AP3D1: variants seen among roughly 807,000 people sequenced by gnomAD.
AP3D1 encodes the protein adaptor related protein complex 3 subunit delta 1.
In AP3D1, 51 loss-of-function variants were observed where a neutral mutation model predicts 147.6. The ratio of observed to expected loss-of-function variants is 0.35; its 90% CI spans 0.28 to 0.44. The LOEUF is 0.44. Ranked by LOEUF, AP3D1 falls within the 20% of genes least tolerant of loss-of-function variation. AP3D1 has a pLI of 1.00. For synonymous variants in AP3D1, 760 were observed against 663.0 expected (o/e 1.15, Z -2.25); for missense variants, 1,421 against 1,624.2 (o/e 0.87, Z 2.15).
chr19:2,135,599 C>T (rs1001138458), intron 4 of AP3D1, among the ~76,000 whole-genome samples: 1 of 152,104 alleles, frequency 6.6e-6, no homozygotes, highest in Non-Finnish European at 1.5e-5. Context: ...AGCACGTGAT[C>T]CTACACAGAG....
At chr19:2,154,111 C>A (rs141572126), upstream of AP3D1, among the ~76,000 whole-genome samples, 59 of 152,072 alleles carry the variant, frequency 3.9e-4, no homozygotes, top group African/African-American at 1.3e-3. Context: ...CCACCTCCAG[C>A]TAATTTTTGT....
At chr19:2,139,513 G>C (rs2019165081) in intron 1 of AP3D1, among the ~76,000 whole-genome samples, 1 of 152,208 alleles carries the variant, frequency 6.6e-6, no homozygotes, top group South Asian at 2.1e-4. Flanking sequence ...TGGCAGACAA[G>C]GTTCCCAAGG....
chr19:2,163,868 G>A (rs1330451853), intron 1 of AP3D1, among the ~76,000 whole-genome samples: 2 of 149,870 alleles, frequency 1.3e-5, no homozygotes, highest in African/African-American at 2.4e-5. Context: ...GCGGGCACGC[G>A]CCGGCGTCTT....
Position 2,130,478 on chromosome 19 carries a change from G to C in AP3D1, c.522C>G (p.Phe174Leu). Residue 174 changes from phenylalanine to leucine, a missense_variant, in exon 6 of 32, where the codon TTC becomes TTG. Physicochemically the swap from Phe to Leu is conservative, Grantham distance 22. Around this residue, in one of 6 missense-constraint regions of AP3D1, gnomAD observed 292 missense variants for 412.0 expected, o/e 0.71. Transcript: ENST00000643116. ...KKAVLIMYKV[F>L]LKYPESLRPA... ...GGCGCAGCGACTCGGGGTACTTCAG[G>C]AACACCTTGTACATGATCAGCACAG... 1 of 1,614,080 alleles carries C rather than the reference G, an allele frequency of 6.2e-7. No homozygotes were observed. The highest frequency in any genetic ancestry group is 2.2e-5 in the East Asian group (1 of 44,890).
chr19:2,133,649 G>A (rs1351654586), intron 4 of AP3D1, among the ~76,000 whole-genome samples: 2 of 152,106 alleles, frequency 1.3e-5, no homozygotes, highest in African/African-American at 2.4e-5. Flanking sequence ...GATTACAGGT[G>A]CGTGTCACCA....
Position 2,117,318 on chromosome 19 carries a change from T to A in AP3D1, c.1763A>T (p.Lys588Met). The A allele has an allele frequency of 1.9e-6, 3 of 1,612,504 alleles. No individual in the cohort carries two copies. The highest frequency in any genetic ancestry group is 2.5e-6 in the Non-Finnish European group (3 of 1,179,678). ...LVKHIQKLQA[K>M]DVPVAEEVSA... ...GACCTCCTCTGCCACAGGCACGTCC[T>A]TGGCCTGAAGCTTCTGGATGTGCTT... The change falls in exon 16 of 32, where the codon AAG (lysine) becomes ATG (methionine). Residue 588 changes from lysine (K) to methionine (M), a missense_variant. By Grantham distance (95) the Lys-to-Met change is moderately conservative. This residue lies in a region of AP3D1 where 310 missense variants were observed against 388.1 expected (regional missense o/e 0.80). Transcript: ENST00000643116.
chr19:2,120,840 C>G, intron 14 of AP3D1, 22 bp downstream of exon 14: 1 of 1,596,346 alleles, frequency 6.3e-7, no homozygotes, highest in Non-Finnish European at 8.5e-7. Flanking sequence ...GCTGCCAGCC[C>G]AGAGGCCCAG....
chr19:2,157,704 CCCACCCATCAACCAACCCACCCAT>C lies in AP3D1; in HGVS notation c.-103+6628_-103+6651del, dbSNP rs1168472648. Among the ~76,000 whole-genome samples the C allele has an allele frequency of 1.9e-4, 29 of 149,634 alleles. No individual in the cohort carries two copies. In the East Asian group the frequency reaches 5.5e-3, roughly 29 times the overall value. On this transcript the variant is annotated intron_variant, in intron 1 of 14. Coordinates refer to the AP3D1 transcript ENST00000643010. ...CCATCCATCCCCATCCACCCATCCA[CCCACCCATCAACCAACCCACCCAT>C]CCACCCATCCATCCATTCAACAACA...
chr19:2,136,431 C>T (rs535734532), intron 4 of AP3D1, among the ~76,000 whole-genome samples: 4 of 152,292 alleles, frequency 2.6e-5, no homozygotes, highest in Admixed American at 2.0e-4. Flanking sequence ...GCCAGCTGCC[C>T]ATGAAAAGGG....
intron 21 of AP3D1, 42 bp downstream of exon 21, chr19:2,114,706 A>G: frequency 7.1e-7 from 1 of 1,409,218 alleles, no homozygotes; most frequent in Non-Finnish European, 9.6e-7. Flanking sequence ...GGAAGCAACC[A>G]CATGTGGCCT....
At chr19:2,123,947 A>G in intron 9 of AP3D1, 68 bp from the exon 10 acceptor site, 3 of 1,514,034 alleles carry the variant, frequency 2.0e-6, no homozygotes, top group Non-Finnish European at 2.7e-6. Flanking sequence ...ACTCAGGGCC[A>G]CGGGGCACCA....
chr19:2,141,810 G>A (rs1418784637), intron 1 of AP3D1, among the ~76,000 whole-genome samples: 2 of 151,388 alleles, frequency 1.3e-5, no homozygotes, highest in East Asian at 1.9e-4. Context: ...CCTAACCATG[G>A]CTAACTGCAG....
intron 1 of AP3D1, among the ~76,000 whole-genome samples, chr19:2,146,737 G>A (rs559458978): frequency 2.6e-5 from 4 of 152,162 alleles, no homozygotes; most frequent in South Asian, 4.1e-4. Context: ...GTGACAGCAC[G>A]GGGGACGAGG....
chr19:2,154,620 C>T (rs1019042823), upstream of AP3D1, among the ~76,000 whole-genome samples: 3 of 152,186 alleles, frequency 2.0e-5, no homozygotes, highest in East Asian at 1.9e-4. Context: ...CCTAGGGAAA[C>T]AGAATTTCTC....
At position 2,120,972 on chromosome 19, in the gene AP3D1, G is replaced by A. The variant is rs780238026; in HGVS notation, c.1371C>T (p.Ser457=). 7.4e-6 allele frequency: 12 copies of A among 1,612,182 alleles called. No homozygotes were observed. The highest frequency in any genetic ancestry group is 1.1e-5 in the South Asian group (1 of 91,088). Residue 457 remains serine, a synonymous_variant, in exon 14 of 32, where the codon TCC becomes TCT. Transcript: ENST00000643116. ...CACTGTCAAGCAGCGCAGACATCTG[G>A]GACACGGCGAACTTGCGGATGGCCT... ...RVKAIRKFAV[S]QMSALLDSAH...
rs1342993708 is a variant in AP3D1, at chr19:2,109,218, G to A, written c.3351-11C>T. On this transcript the variant is annotated splice_polypyrimidine_tract_variant and intron_variant, in intron 29 of 31. Transcript: ENST00000643116. ...TTAGCAAAGGCGTCACTGTGGGAGG[G>A]ACAGGGAGGCTGACTGCGGTGGGGC... 1 of 1,573,776 alleles carries A rather than the reference G, an allele frequency of 6.4e-7. No individual in the cohort carries two copies. The highest frequency in any genetic ancestry group is 8.6e-7 in the Non-Finnish European group (1 of 1,162,662).
rs1458450295 is a variant in AP3D1 at position 2,115,529 on chromosome 19, G to A, written c.2149+9C>T. ...ACAAATGCGGCGCCGACACACCGGA[G>A]ACACTTGCCTGGAACCTTCAAGGGG... On this transcript the variant is annotated intron_variant, in intron 19 of 31. Transcript: ENST00000643116. 1.2e-6 allele frequency: 2 copies of A among 1,612,886 alleles called. No homozygotes were observed. The highest frequency in any genetic ancestry group is 2.2e-5 in the South Asian group (2 of 91,076).
intron 5 of AP3D1, among the ~76,000 whole-genome samples, chr19:2,131,271 G>A (rs1033391148): frequency 4.6e-5 from 7 of 152,232 alleles, no homozygotes; most frequent in African/African-American, 1.2e-4. Flanking sequence ...ACACCTCCAG[G>A]TGGACAGGCA....
chr19:2,121,629 G>T, intron 12 of AP3D1, 105 bp downstream of exon 12: 1 of 1,416,458 alleles, frequency 7.1e-7, no homozygotes, highest in Non-Finnish European at 9.4e-7. Context: ...ACTGATGGCC[G>T]AGTGTGAGGG....
Sources: allele counts gnomAD v4.1 joint callset (sites outside exome capture counted in the v4.1 genomes callset), GRCh38; gene constraint gnomAD v4.1.1; regional missense constraint gnomAD v4.1.1; transcripts MANE v1.5; gene names NCBI Gene and HGNC (gene_info 2026-07-23, HGNC 2026-07-21).